The following RIN3 variants were observed in gnomAD, a reference collection of about 807,000 sequenced individuals.
The protein encoded by RIN3 is Ras and Rab interactor 3, also known as RAB5 interacting protein 3.
A neutral mutation model predicts 76.3 loss-of-function variants in RIN3; 54 were observed. That is an observed-to-expected ratio of 0.71 (90% confidence interval 0.57 to 0.89). RIN3 has a LOEUF of 0.89. Among genes scored for constraint, RIN3 ranks in the 40% least tolerant of loss-of-function variants. RIN3 has a pLI of 0.00. For synonymous variants in RIN3, 576 were observed against 564.0 expected (o/e 1.02, Z -0.30); for missense variants, 1,256 against 1,322.1 (o/e 0.95, Z 0.78).
chr14:92,584,924 C>T (rs138661094), intron 3 of RIN3, among the ~76,000 whole-genome samples: 141 of 152,342 alleles, frequency 9.3e-4, no homozygotes, highest in African/African-American at 3.2e-3. Flanking sequence ...GTGAGCTGCC[C>T]AGCACTCACC....
chr14:92,529,616 G>A (rs1896832440), intron 1 of RIN3, among the ~76,000 whole-genome samples: 1 of 152,316 alleles, frequency 6.6e-6, no homozygotes, highest in Non-Finnish European at 1.5e-5. Flanking sequence ...TGTCCGGCGG[G>A]CACATTCCCA....
chr14:92,540,278 C>T (rs1459678653), intron 1 of RIN3, among the ~76,000 whole-genome samples: 2 of 152,188 alleles, frequency 1.3e-5, no homozygotes, highest in Non-Finnish European at 2.9e-5. Context: ...GCCCATAGAG[C>T]CTGTCCCCTG....
chr14:92,629,392 G>A (rs895558079), intron 4 of RIN3, among the ~76,000 whole-genome samples: 1 of 152,206 alleles, frequency 6.6e-6, no homozygotes, highest in African/African-American at 2.4e-5. Flanking sequence ...CCACAGTGTG[G>A]GAGCAGGCCC....
chr14:92,613,201 G>A (rs887305245), intron 3 of RIN3, among the ~76,000 whole-genome samples: 9 of 152,086 alleles, frequency 5.9e-5, no homozygotes, highest in East Asian at 1.9e-4. Flanking sequence ...CTCTGCTGCC[G>A]GAAGTCTTTT....
intron 1 of RIN3, among the ~76,000 whole-genome samples, chr14:92,522,006 TGTG>T (rs200557344): frequency 0.14 from 21,086 of 151,884 alleles, 1,677 homozygotes; most frequent in African/African-American, 0.21. Context: ...GGACAAGTTG[TGTG>T]TGGGAGCCCT....
chr14:92,657,171 C>T (rs1887700506), intron 6 of RIN3, among the ~76,000 whole-genome samples: 1 of 152,072 alleles, frequency 6.6e-6, no homozygotes, highest in Non-Finnish European at 1.5e-5. Flanking sequence ...CCAGCCTGGC[C>T]AACATGGTGA....
Position 92,675,211 on chromosome 14 carries a change from T to C in RIN3, c.2336-1264T>C, listed in dbSNP as rs973788617. 2.0e-5 allele frequency among the ~76,000 whole-genome samples: 3 copies of C among 152,118 alleles called. No individual in the cohort carries two copies. The East Asian group carries it at 5.8e-4, about 29-fold the overall frequency. On this transcript the variant is annotated intron_variant, in intron 7 of 9. Transcript: ENST00000216487. Reference sequence around the variant, plus strand: ...AGCCAAATTTGCTGCTGTAAAAGAGTAGTTGTGTAGGTTCCTGCTTATTTG... The same window carrying C: ...AGCCAAATTTGCTGCTGTAAAAGAGCAGTTGTGTAGGTTCCTGCTTATTTG...
At chr14:92,615,256 G>T in intron 3 of RIN3, 151 bp from the exon 4 acceptor site, 1 of 667,146 alleles carries the variant, frequency 1.5e-6, no homozygotes, top group Non-Finnish European at 2.7e-6. Flanking sequence ...CCAGCTGGCA[G>T]CTGATGTGTA....
intron 2 of RIN3, chr14:92,576,392 G>T (rs1362941516): frequency 7.8e-7 from 1 of 1,289,686 alleles, no homozygotes; most frequent in East Asian, 5.5e-5. Flanking sequence ...GTTAGTATTT[G>T]GTTTCTAGAG....
At chr14:92,538,027 A>G (rs565099137) in intron 1 of RIN3, among the ~76,000 whole-genome samples, 37 of 152,130 alleles carry the variant, frequency 2.4e-4, no homozygotes, top group East Asian at 7.8e-4. Flanking sequence ...GGGTTTCACC[A>G]TGTTGGCCAG....
At position 92,623,840 on chromosome 14, in the gene RIN3, C is replaced by T. The variant is rs1274168062; in HGVS notation, c.440+8361C>T. Reference sequence around the variant, plus strand: ...AAGAAACTCCAAATTTTTTCCCTGTCGTGAGAGACAGGAAGTAAACTTGGC... The same window carrying T: ...AAGAAACTCCAAATTTTTTCCCTGTTGTGAGAGACAGGAAGTAAACTTGGC... On this transcript the variant is annotated intron_variant, in intron 4 of 9. Coordinates refer to ENST00000216487, the MANE Select transcript of RIN3 (RefSeq NM_024832.5). This position sits in a 1 kb window ranked among gnomAD's most constrained non-coding sequence, Gnocchi z 4.9. Among the ~76,000 whole-genome samples, 2 of 152,238 alleles carry T rather than the reference C, an allele frequency of 1.3e-5. No individual in the cohort carries two copies. Among genetic ancestry groups the T allele is most frequent in the African/African-American group, 2.4e-5 (1 of 41,462 alleles).
intron 3 of RIN3, among the ~76,000 whole-genome samples, chr14:92,612,229 G>A (rs1181986088): frequency 1.3e-5 from 2 of 152,170 alleles, no homozygotes; most frequent in Non-Finnish European, 1.5e-5. Context: ...CAACAACCTC[G>A]GCACATGCTC....
rs148121981 is a variant in RIN3, at chr14:92,600,690, C to T, written c.368-14717C>T. ...ACTAGGTGTTGGCGTCCATGGCACT[C>T]CTGGGCTCCTGCCGGTTCACTCAAG... On this transcript the variant is annotated intron_variant, in intron 3 of 9. Coordinates refer to ENST00000216487, the MANE Select transcript of RIN3 (RefSeq NM_024832.5). 6.9e-3 allele frequency among the ~76,000 whole-genome samples: 1,050 copies of T among 152,316 alleles called. 6 individuals carry two copies. The highest frequency in any genetic ancestry group is 0.024 in the African/African-American group (998 of 41,560).
At position 92,655,144 on chromosome 14, in the gene RIN3, A is replaced by C. The variant is rs553624453; in HGVS notation, c.2026+2069A>C. ...TGTGCCACTGCACTCCAGCCTGGGC[A>C]ACAGAGTGAGACTTTGTCTCAAAAA... On this transcript the variant is annotated intron_variant, in intron 6 of 9. Transcript: ENST00000216487. Among the ~76,000 whole-genome samples, 7 of 152,292 alleles carry C rather than the reference A, an allele frequency of 4.6e-5. No homozygotes were observed. The South Asian group carries it at 1.5e-3, about 32-fold the overall frequency.
rs113264924 is a variant in RIN3 at position 92,517,301 on chromosome 14, C to T, written c.44+3325C>T. Among the ~76,000 whole-genome samples the T allele has an allele frequency of 3.6e-3, 551 of 152,188 alleles. 4 individuals carry two copies. The highest frequency in any genetic ancestry group is 0.018 in the South Asian group (89 of 4,820). ...ACATGACACACATTGCTTTACAAAG[C>T]GACTGTTATCAGATAACAGGGGTTG... is the stretch of plus-strand genomic sequence containing the variant. On this transcript the variant is annotated intron_variant, in intron 1 of 9. Transcript: ENST00000216487.
intron 7 of RIN3, among the ~76,000 whole-genome samples, chr14:92,674,360 A>G (rs1470172832): frequency 6.6e-6 from 1 of 152,176 alleles, no homozygotes; most frequent in African/African-American, 2.4e-5. Flanking sequence ...TGTTACAAGG[A>G]CAGATGTGAA....
At chr14:92,613,703 G>A (rs532074161) in intron 3 of RIN3, among the ~76,000 whole-genome samples, 5 of 152,272 alleles carry the variant, frequency 3.3e-5, no homozygotes, top group South Asian at 2.1e-4. Context: ...GAAGGACAGA[G>A]GCACTGAGGG....
intron 6 of RIN3, among the ~76,000 whole-genome samples, chr14:92,658,181 C>G (rs1887739419): frequency 6.6e-6 from 1 of 152,248 alleles, no homozygotes; most frequent in Non-Finnish European, 1.5e-5. Flanking sequence ...CATCAGAGCA[C>G]ATATGCCTCA....
chr14:92,659,743 G>A (rs934963031), intron 7 of RIN3, among the ~76,000 whole-genome samples: 1 of 152,238 alleles, frequency 6.6e-6, no homozygotes, highest in African/African-American at 2.4e-5. Context: ...GAAAAGCACT[G>A]TGTTAGTTTG....
Sources: allele counts gnomAD v4.1 joint callset (sites outside exome capture counted in the v4.1 genomes callset), GRCh38; gene constraint gnomAD v4.1.1; non-coding constraint Gnocchi (gnomAD v3.1); transcripts MANE v1.5; gene names NCBI Gene and HGNC (gene_info 2026-07-23, HGNC 2026-07-21).